The following ARHGEF28 variants were observed in gnomAD, a reference collection of about 807,000 sequenced individuals.
ARHGEF28 encodes Rho guanine nucleotide exchange factor 28.
ARHGEF28 carries 152 observed loss-of-function variants against 206.6 expected under a neutral mutation model. The observed-to-expected ratio is 0.74, with a 90% CI of 0.64 to 0.84. The LOEUF (loss-of-function observed/expected upper bound fraction) is 0.84, where lower values mean the gene tolerates loss of function less well. Ranked by LOEUF, ARHGEF28 falls within the 40% of genes least tolerant of loss-of-function variation. The pLI is 0.00. For missense variants in ARHGEF28, 2,028 were observed against 2,073.2 expected (o/e 0.98, Z 0.42); for synonymous variants, 763 against 776.4 (o/e 0.98, Z 0.29).
chr5:73,876,996 G>A (rs1360927952), intron 22 of ARHGEF28, among the ~76,000 whole-genome samples: 1 of 143,528 alleles, frequency 7.0e-6, no homozygotes, highest in Admixed American at 7.0e-5. Flanking sequence ...AGAAGGAATG[G>A]TACCAGTTCC....
chr5:73,836,666 G>T (rs1433642034), intron 10 of ARHGEF28, among the ~76,000 whole-genome samples: 1 of 152,096 alleles, frequency 6.6e-6, no homozygotes, highest in South Asian at 2.1e-4. Flanking sequence ...TTGGTTTGGT[G>T]TAGTCACACT....
intron 35 of ARHGEF28, among the ~76,000 whole-genome samples, chr5:73,927,220 T>TA (rs1763868054): frequency 6.6e-6 from 1 of 151,376 alleles, no homozygotes; most frequent in African/African-American, 2.4e-5. Flanking sequence ...AAATAAAAAA[T>TA]AAAAAACTTA....
chr5:73,869,984 G>T (rs1580012053), intron 20 of ARHGEF28, 85 bp from the exon 21 acceptor site: 21 of 1,467,060 alleles, frequency 1.4e-5, no homozygotes, highest in Non-Finnish European at 1.7e-5. Flanking sequence ...TTTATTTAGG[G>T]TGAGGAATCC....
chr5:73,639,171 A>C (rs904656979), intron 1 of ARHGEF28, among the ~76,000 whole-genome samples: 2 of 151,056 alleles, frequency 1.3e-5, no homozygotes, highest in Non-Finnish European at 2.9e-5. Context: ...ACTTACATGA[A>C]GTATTGTTCA....
At chr5:73,789,612 T>A (rs13355955) in intron 7 of ARHGEF28, among the ~76,000 whole-genome samples, 20,289 of 152,030 alleles carry the variant, frequency 0.13, 2,473 homozygotes, top group African/African-American at 0.32. Context: ...TATGGGGGAG[T>A]ATATACCAAC....
chr5:73,830,019 C>T (rs1347826946), intron 9 of ARHGEF28, among the ~76,000 whole-genome samples: 1 of 151,958 alleles, frequency 6.6e-6, no homozygotes, highest in East Asian at 1.9e-4. Context: ...ATCTTTTTGG[C>T]CTGGTGTTCA....
rs1051202269 is a variant in ARHGEF28 at position 73,634,147 on chromosome 5, A to G, written c.-12+7825A>G. 3.3e-5 allele frequency among the ~76,000 whole-genome samples: 5 copies of G among 152,146 alleles called. No homozygotes were observed. In the East Asian group the frequency reaches 9.6e-4, roughly 29 times the overall value. The stretch of plus-strand genomic sequence containing the variant: ...CAAGGTATCCATAGGTTTGATAAAC[A>G]TTTATTCAATGCCTGAGGAAACAAT... On this transcript the variant is annotated intron_variant, in intron 1 of 35. Coordinates refer to ENST00000513042, the MANE Select transcript of ARHGEF28 (RefSeq NM_001177693.2).
At chr5:73,805,402 A>C (rs917402058) in intron 9 of ARHGEF28, among the ~76,000 whole-genome samples, 1 of 152,210 alleles carries the variant, frequency 6.6e-6, no homozygotes, top group African/African-American at 2.4e-5. Context: ...TAACCTTACC[A>C]AAGGGAATTT....
intron 22 of ARHGEF28, among the ~76,000 whole-genome samples, chr5:73,874,164 A>G (rs1359597853): frequency 6.6e-6 from 1 of 152,120 alleles, no homozygotes. Flanking sequence ...TGCCATCTAT[A>G]TATCCCTTTC....
At chr5:73,882,299 CTTTTA>C (rs759666414) in intron 22 of ARHGEF28, among the ~76,000 whole-genome samples, 168 bp from the exon 23 acceptor site, 3 of 152,012 alleles carry the variant, frequency 2.0e-5, no homozygotes, top group African/African-American at 4.8e-5. Flanking sequence ...CAACAACTTT[CTTTTA>C]TTTTAATTTA....
intron 1 of ARHGEF28, among the ~76,000 whole-genome samples, chr5:73,679,981 T>C (rs1746959559): frequency 6.6e-6 from 1 of 152,206 alleles, no homozygotes; most frequent in Non-Finnish European, 1.5e-5. Flanking sequence ...ATAGAATATT[T>C]TGTGCTTTTG....
At position 73,773,849 on chromosome 5, in the gene ARHGEF28, C is replaced by T. The variant is rs1281278801; in HGVS notation, c.476-6C>T. The T allele has an allele frequency of 1.3e-6, 2 of 1,584,194 alleles. No individual in the cohort carries two copies. The highest frequency in any genetic ancestry group is 1.8e-5 in the Admixed American group (1 of 54,500). On this transcript the variant is annotated splice_polypyrimidine_tract_variant and splice_region_variant and intron_variant, in intron 4 of 35. Transcript: ENST00000513042. ...ACTAATATGGTATGTGTTTTTTCCT[C>T]TTCAGTATCTTCTCACAGAGAATCT...
chr5:73,735,592 G>A (rs1021953387), intron 2 of ARHGEF28, among the ~76,000 whole-genome samples: 10 of 152,196 alleles, frequency 6.6e-5, no homozygotes, highest in Non-Finnish European at 1.5e-5. Context: ...CTGAGAAAGA[G>A]ACTGTAGCTC....
rs115239771 is a variant in ARHGEF28, at chr5:73,670,408, T to C, written c.-11-14433T>C. The stretch of plus-strand genomic sequence containing the variant: ...ATACTGAAGTTTAACCATTAACCTG[T>C]TGAAAGACATTTGGGCTGATTCTAA... On this transcript the variant is annotated intron_variant, in intron 1 of 35. Transcript: ENST00000513042. Among the ~76,000 whole-genome samples, 419 of 152,334 alleles carry C rather than the reference T, an allele frequency of 2.8e-3. 2 individuals carry two copies. The highest frequency in any genetic ancestry group is 9.6e-3 in the African/African-American group (399 of 41,564).
chr5:73,874,518 G>A (rs1488110486), intron 22 of ARHGEF28, among the ~76,000 whole-genome samples: 12 of 148,018 alleles, frequency 8.1e-5, no homozygotes, highest in Admixed American at 2.7e-4. Flanking sequence ...CCTTTAACTC[G>A]TCATTTAGCA....
intron 30 of ARHGEF28, chr5:73,900,055 T>C (rs547164990): frequency 1.5e-4 from 23 of 152,336 alleles, no homozygotes; most frequent in Admixed American, 1.2e-3. Flanking sequence ...ATGTCCCTCA[T>C]TGTAAGTGAA....
At chr5:73,839,805 G>A (rs933814621) in intron 10 of ARHGEF28, among the ~76,000 whole-genome samples, 2 of 152,110 alleles carry the variant, frequency 1.3e-5, no homozygotes, top group Non-Finnish European at 2.9e-5. Context: ...TGCTATGTAC[G>A]TGCACTTTAT....
chr5:73,910,325 G>A (rs1182121748), intron 34 of ARHGEF28, among the ~76,000 whole-genome samples: 2 of 134,978 alleles, frequency 1.5e-5, no homozygotes, highest in Non-Finnish European at 3.1e-5. Context: ...AGGTTGCAGT[G>A]AGCCGAGATC....
intron 14 of ARHGEF28, among the ~76,000 whole-genome samples, chr5:73,856,414 A>T (rs1395801603): frequency 6.6e-6 from 1 of 152,072 alleles, no homozygotes; most frequent in East Asian, 1.9e-4. Flanking sequence ...ACAGGACATA[A>T]CACTGTTCTG....
Sources: gnomAD v4.1 joint callset for allele counts (sites outside exome capture counted in the v4.1 genomes callset) on GRCh38, gnomAD v4.1.1 for gene constraint, MANE v1.5 for transcripts, NCBI Gene and HGNC (gene_info 2026-07-23, HGNC 2026-07-21) for gene names.